The following FAM78B variants were observed in gnomAD, a reference collection of about 807,000 sequenced individuals.
FAM78B encodes protein FAM78B.
Under a neutral mutation model 20.0 loss-of-function variants are expected in FAM78B, and 10 were observed. The observed-to-expected ratio is 0.50, with a 90% CI of 0.31 to 0.85. FAM78B has a LOEUF of 0.85. Ranked by LOEUF, FAM78B falls within the 40% of genes least tolerant of loss-of-function variation. The pLI is 0.05. For synonymous variants in FAM78B, 135 were observed against 132.8 expected, an observed-to-expected ratio of 1.02 and a Z score of -0.12; for missense variants, 283 against 345.0, an observed-to-expected ratio of 0.82 and a Z score of 1.42.
chr1:166,081,838 G>A (rs1456798517), intron 1 of FAM78B, among the ~76,000 whole-genome samples: 1 of 152,182 alleles, frequency 6.6e-6, no homozygotes, highest in Non-Finnish European at 1.5e-5. Flanking sequence ...AGGGGGAATC[G>A]ATGTGGGCAG....
downstream of FAM78B, among the ~76,000 whole-genome samples, chr1:166,066,174 C>T (rs1651786689): frequency 6.6e-6 from 1 of 152,116 alleles, no homozygotes; most frequent in Non-Finnish European, 1.5e-5. Flanking sequence ...CCTTTTTGGC[C>T]TTGTGGTGCT....
intron 1 of FAM78B, among the ~76,000 whole-genome samples, chr1:166,088,464 C>G (rs1320385177): frequency 6.6e-6 from 1 of 152,142 alleles, no homozygotes; most frequent in African/African-American, 2.4e-5. Context: ...TCCAGGCCCA[C>G]TATCTGGTCT....
chr1:166,117,216 G>C (rs867167640), intron 1 of FAM78B, among the ~76,000 whole-genome samples: 14 of 152,158 alleles, frequency 9.2e-5, no homozygotes, highest in South Asian at 2.1e-4. Context: ...AATTCCAGTA[G>C]AATTCAAGAA....
At chr1:166,127,727 T>G in intron 1 of FAM78B, among the ~76,000 whole-genome samples, 1 of 152,182 alleles carries the variant, frequency 6.6e-6, no homozygotes, top group African/African-American at 2.4e-5. Flanking sequence ...CAAAAATGTG[T>G]CTGACTGCTA....
intron 1 of FAM78B, 106 bp from the exon 2 acceptor site, chr1:166,070,869 G>T (rs1652000326): frequency 1.6e-6 from 2 of 1,281,154 alleles, no homozygotes; most frequent in South Asian, 3.5e-5. Context: ...GGGCAAAATG[G>T]GAAGTTCACA....
chr1:166,163,192 G>A (rs1417391289), intron 1 of FAM78B, among the ~76,000 whole-genome samples: 1 of 152,188 alleles, frequency 6.6e-6, no homozygotes, highest in Non-Finnish European at 1.5e-5. Context: ...ACTTGCAGCA[G>A]TCTGTTCAAG....
At chr1:166,078,848 G>C (rs903832293) in intron 1 of FAM78B, among the ~76,000 whole-genome samples, 3 of 152,086 alleles carry the variant, frequency 2.0e-5, no homozygotes, top group African/African-American at 7.2e-5. Flanking sequence ...AGCCTGGAGA[G>C]CTTCTAGGGC....
In FAM78B at chr1:166,094,419, T is replaced by A. The variant is rs571993831; in HGVS notation, c.264-23656A>T. 4.6e-5 allele frequency among the ~76,000 whole-genome samples: 7 copies of A among 152,282 alleles called. No homozygotes were observed. The East Asian group carries it at 1.4e-3, about 29-fold the overall frequency. On this transcript the variant is annotated intron_variant, in intron 1 of 1. Transcript: ENST00000354422. ...TGGCGGGGCTCTCCACTGTGAAGTGTGCATGCAATGCTGACACCTGCTCTT... is the reference window on the plus strand; with the variant it reads ...TGGCGGGGCTCTCCACTGTGAAGTGAGCATGCAATGCTGACACCTGCTCTT...
At chr1:166,118,822 C>A (rs1654359757) in intron 1 of FAM78B, among the ~76,000 whole-genome samples, 2 of 152,168 alleles carry the variant, frequency 1.3e-5, no homozygotes, top group South Asian at 4.1e-4. Flanking sequence ...GTGGCAAGAA[C>A]CATGACACAT....
At position 166,139,627 on chromosome 1, in the gene FAM78B, CA is replaced by C. The variant is rs774741753; in HGVS notation, c.263+26358del. ...GGTGGCATTTGAACATCAACAAGAC[CA>C]CACGCATCTGGGATGGGTTTGTGAC... On this transcript the variant is annotated intron_variant, in intron 1 of 1. Transcript: ENST00000354422. Among the ~76,000 whole-genome samples, 179 of 152,210 alleles carry C rather than the reference CA, an allele frequency of 1.2e-3. 2 individuals carry two copies. The highest frequency in any genetic ancestry group is 2.9e-3 in the South Asian group (14 of 4,818).
downstream of FAM78B, among the ~76,000 whole-genome samples, chr1:166,056,428 G>A (rs959432052): frequency 6.6e-6 from 1 of 152,126 alleles, no homozygotes; most frequent in Non-Finnish European, 1.5e-5. Context: ...GGCAGGAGGA[G>A]GGCTCTAATA....
intron 1 of FAM78B, among the ~76,000 whole-genome samples, chr1:166,158,591 A>G (rs558080466): frequency 3.3e-4 from 50 of 152,258 alleles, no homozygotes; most frequent in African/African-American, 1.2e-3. Context: ...CCCAAACAGC[A>G]TCTCCAGACG....
chr1:166,110,158 T>A (rs190154337), intron 1 of FAM78B, among the ~76,000 whole-genome samples: 67 of 151,458 alleles, frequency 4.4e-4, no homozygotes, highest in African/African-American at 1.6e-3. Context: ...ATAAATATGG[T>A]GCAGTGAATA....
chr1:166,093,866 T>C (rs574082957), intron 1 of FAM78B, among the ~76,000 whole-genome samples: 5 of 152,016 alleles, frequency 3.3e-5, no homozygotes, highest in Admixed American at 1.3e-4. Context: ...TGTGTCCTGA[T>C]TGGCTAGGAT....
chr1:166,140,812 G>C (rs778592870), intron 1 of FAM78B, among the ~76,000 whole-genome samples: 3 of 152,168 alleles, frequency 2.0e-5, no homozygotes, highest in Admixed American at 6.5e-5. Context: ...CTATGGAGAG[G>C]AAGTGACTTG....
intron 1 of FAM78B, among the ~76,000 whole-genome samples, chr1:166,093,570 C>T (rs934424848): frequency 1.3e-4 from 20 of 152,162 alleles, no homozygotes; most frequent in African/African-American, 4.8e-4. Flanking sequence ...CATAAAATAT[C>T]TTTCTATTCC....
At chr1:166,139,836 A>C (rs968019910) in intron 1 of FAM78B, among the ~76,000 whole-genome samples, 1 of 152,208 alleles carries the variant, frequency 6.6e-6, no homozygotes, top group Admixed American at 6.5e-5. Flanking sequence ...CAGAGAGCTC[A>C]TAAGAGTTGC....
At chr1:166,143,851 C>A (rs55858836) in intron 1 of FAM78B, among the ~76,000 whole-genome samples, 12 of 152,160 alleles carry the variant, frequency 7.9e-5, no homozygotes, top group Non-Finnish European at 1.5e-4. Flanking sequence ...CCAAACACTT[C>A]GCATGGAGCA....
In FAM78B at chr1:166,126,991, G is replaced by A. The variant is rs1236418480; in HGVS notation, c.263+38995C>T. 2.6e-5 allele frequency among the ~76,000 whole-genome samples: 4 copies of A among 152,182 alleles called. No homozygotes were observed. The East Asian group carries it at 5.8e-4, about 22-fold the overall frequency. On this transcript the variant is annotated intron_variant, in intron 1 of 1. Coordinates refer to ENST00000354422, the MANE Select transcript of FAM78B (RefSeq NM_001017961.5). ...AGACTCAGATATTTGTGATCTGGAA[G>A]GAATCCAAGAGATCTCACCTGATTC...
Sources: allele counts gnomAD v4.1 joint callset (sites outside exome capture counted in the v4.1 genomes callset), GRCh38; gene constraint gnomAD v4.1.1; transcripts MANE v1.5; gene names NCBI Gene and HGNC (gene_info 2026-07-23, HGNC 2026-07-21).